The following BRPF1 variants were observed in gnomAD, a reference collection of about 807,000 sequenced individuals.
BRPF1 encodes the protein peregrin.
Under a neutral mutation model 115.0 loss-of-function variants are expected in BRPF1, and 15 were observed. The ratio of observed to expected loss-of-function variants is 0.13; its 90% CI spans 0.09 to 0.20. BRPF1 has a LOEUF of 0.20. BRPF1 is among the 10% of genes least tolerant of loss of function. The probability of loss-of-function intolerance (pLI) is 1.00; values close to 1 mark genes in which losing one functional copy is unlikely to be tolerated. For missense variants in BRPF1, 1,118 were observed against 1,638.3 expected (o/e 0.68, Z 5.48); for synonymous variants, 647 against 619.8 (o/e 1.04, Z -0.65).
intron 13 of BRPF1, among the ~76,000 whole-genome samples, 159 bp downstream of exon 13, chr3:9,746,613 G>A (rs1334035579): frequency 1.3e-5 from 2 of 152,166 alleles, no homozygotes; most frequent in East Asian, 3.9e-4. Context: ...GGGTTGTGTC[G>A]ACCATGTGTC....
rs777943093 is a variant in BRPF1 at position 9,741,446 on chromosome 3, G to GT, written c.1854+7_1854+8insT. On this transcript the variant is annotated splice_region_variant and intron_variant, in intron 5 of 13. Transcript: ENST00000383829. ...AAAACTCAAAAGGGAGACGGTGAGT[G>GT]CTCCTGGGCCAGCCCTATTTTATAA... is the stretch of plus-strand genomic sequence containing the variant. The GT allele has an allele frequency of 6.4e-7, 1 of 1,574,232 alleles. No homozygotes were observed. Among genetic ancestry groups the GT allele is most frequent in the Non-Finnish European group, 8.6e-7 (1 of 1,158,938 alleles).
rs777923694 is a variant in BRPF1 at position 9,739,435 on chromosome 3, G to A, written c.1036G>A (p.Gly346Arg). The A allele has an allele frequency of 1.9e-6, 3 of 1,614,132 alleles. No homozygotes were observed. The highest frequency in any genetic ancestry group is 1.1e-5 in the South Asian group (1 of 91,082). ...KGGAFKQTDDGRWAHVVCALW... is the reference protein window; with the variant it reads ...KGGAFKQTDDRRWAHVVCALW... ...CGGTGCCTTCAAGCAGACAGATGAC[G>A]GGCGCTGGGCCCATGTGGTGTGTGC... is the stretch of plus-strand genomic sequence containing the variant. Residue 346 changes from glycine to arginine, a missense_variant, in exon 3 of 14, where the codon GGG becomes AGG. Coordinates refer to ENST00000383829, the MANE Select transcript of BRPF1 (RefSeq NM_001003694.2).
At chr3:9,732,848 G>T (rs190235120) in intron 1 of BRPF1, among the ~76,000 whole-genome samples, 1 of 152,146 alleles carries the variant, frequency 6.6e-6, no homozygotes, top group Non-Finnish European at 1.5e-5. Flanking sequence ...GCCCTGCCTG[G>T]CTGGGATGGT....
At position 9,734,845 on chromosome 3, in the gene BRPF1, G is replaced by A. The variant is rs1209436103; in HGVS notation, c.599+106G>A. On this transcript the variant is annotated intron_variant, in intron 2 of 13. Coordinates refer to ENST00000383829, the MANE Select transcript of BRPF1 (RefSeq NM_001003694.2). This position sits in a 1 kb window ranked among gnomAD's most constrained non-coding sequence, Gnocchi z 5.7. ...AGAAGAGTGACAGGAATAAAGAATA[G>A]TGAAAGAACACTGATTTTGCCAGGG... 7.1e-7 allele frequency: 1 copy of A among 1,415,036 alleles called. No homozygotes were observed. Among genetic ancestry groups the A allele is most frequent in the Non-Finnish European group, 9.6e-7 (1 of 1,037,752 alleles). 87.7% of individuals were successfully genotyped at this position (1,415,036 alleles called of 1,614,324 possible).
rs771693624 is a variant in BRPF1 at position 9,739,715 on chromosome 3, G to A, written c.1316G>A (p.Arg439His). ...GCCAACGGCACCTCTTTCAGTGTCC[G>A]CAAGACAGCCTACTGCGACATCCAC... is the stretch of plus-strand genomic sequence containing the variant. ...TGANGTSFSV[R>H]KTAYCDIHTP... Residue 439 changes from arginine to histidine, a missense_variant, in exon 3 of 14, where the codon CGC becomes CAC. Transcript: ENST00000383829. 18 of 1,613,684 alleles carry A rather than the reference G, an allele frequency of 1.1e-5. No individual in the cohort carries two copies. Among genetic ancestry groups the A allele is most frequent in the East Asian group, 2.2e-5 (1 of 44,886 alleles).
chr3:9,742,597 A>G (rs961824244), intron 6 of BRPF1: 23 of 963,168 alleles, frequency 2.4e-5, no homozygotes, highest in Admixed American at 1.2e-4. Context: ...GTTAAGTAAA[A>G]AGAGCTGTAG....
At position 9,732,067 on chromosome 3, in the gene BRPF1, C is replaced by T. The variant is rs558281004; in HGVS notation, c.-82C>T. Reference sequence around the variant, plus strand: ...TCCCCCTTCCCGGCCCGACTTTCCCCGCCGACCTCCCCAAGTGGGGTCGGA... The same window carrying T: ...TCCCCCTTCCCGGCCCGACTTTCCCTGCCGACCTCCCCAAGTGGGGTCGGA... On this transcript the variant is annotated 5_prime_UTR_variant, in exon 1 of 14. Coordinates refer to ENST00000383829, the MANE Select transcript of BRPF1 (RefSeq NM_001003694.2). 6.6e-6 allele frequency: 1 copy of T among 152,424 alleles called. No homozygotes were observed. The highest frequency in any genetic ancestry group is 2.1e-4 in the South Asian group (1 of 4,838). The allele number at this position is 152,424 out of a possible 1,614,324, so 9.4% of individuals were successfully genotyped here. A position where few individuals can be genotyped will look rare whatever the true frequency, so the allele number is the denominator to read the frequency against.
chr3:9,745,454 T>C lies in BRPF1; in HGVS notation c.3069-119T>C. ...GGGTGTTTGAATTTGAAATTCCTCA[T>C]ATAGCCTCTGCTTTCCAAAAGTCTC... On this transcript the variant is annotated intron_variant, in intron 10 of 13. Transcript: ENST00000383829. This position sits in a 1 kb window ranked among gnomAD's most constrained non-coding sequence, Gnocchi z 5.1. The C allele has an allele frequency of 4.9e-6, 6 of 1,234,732 alleles. No homozygotes were observed. The highest frequency in any genetic ancestry group is 6.9e-6 in the Non-Finnish European group (6 of 865,584). The allele number at this position is 1,234,732 out of a possible 1,614,324, so 76.5% of individuals were successfully genotyped here. A position where few individuals can be genotyped will look rare whatever the true frequency, so the allele number is the denominator to read the frequency against.
intron 2 of BRPF1, among the ~76,000 whole-genome samples, chr3:9,735,451 A>G (rs952530637): frequency 3.3e-5 from 5 of 152,188 alleles, no homozygotes; most frequent in African/African-American, 9.7e-5. Flanking sequence ...TTCCTTATGC[A>G]TGACCTTGGG....
chr3:9,734,647 T>C lies in BRPF1; in HGVS notation c.507T>C (p.Ser169=). The C allele has an allele frequency of 6.2e-7, 1 of 1,614,162 alleles. No individual in the cohort carries two copies. Among genetic ancestry groups the C allele is most frequent in the Non-Finnish European group, 8.5e-7 (1 of 1,180,036 alleles). Reference sequence around the variant, plus strand: ...ACCATCACCACCACCACAATGTTTCTGCGAGCACCACTCCCAAGCTGCCAG... The same window carrying C: ...ACCATCACCACCACCACAATGTTTCCGCGAGCACCACTCCCAAGCTGCCAG... ...DSNHHHHHNV[S]ASTTPKLPEV... The change falls in exon 2 of 14, where the codon TCT becomes TCC. Residue 169 remains serine (S), a synonymous_variant. Transcript: ENST00000383829. The surrounding 1 kb of genome is among the most constrained non-coding windows in gnomAD (Gnocchi z 5.7).
rs1427009725 is a variant in BRPF1 at position 9,745,150 on chromosome 3, G to T, written c.3063G>T (p.Arg1021=). Reference sequence around the variant, plus strand: ...GCAGTAGCAGCGCTGCTTCAGACCGGACCAGGTACCAGCCCTCCAGATCGA... The same window carrying T: ...GCAGTAGCAGCGCTGCTTCAGACCGTACCAGGTACCAGCCCTCCAGATCGA... ...SSSSSSAASD[R]TSTTPSKQGR... Residue 1021 remains arginine, a synonymous_variant, in exon 10 of 14, where the codon CGG becomes CGT. Coordinates refer to ENST00000383829, the MANE Select transcript of BRPF1 (RefSeq NM_001003694.2). This position sits in a 1 kb window ranked among gnomAD's most constrained non-coding sequence, Gnocchi z 5.1. The T allele has an allele frequency of 6.2e-7, 1 of 1,613,934 alleles. No homozygotes were observed. The highest frequency in any genetic ancestry group is 8.5e-7 in the Non-Finnish European group (1 of 1,179,962).
intron 6 of BRPF1, 55 bp downstream of exon 6, chr3:9,742,226 C>A: frequency 6.3e-7 from 1 of 1,594,570 alleles, no homozygotes; most frequent in Non-Finnish European, 8.6e-7. Context: ...CCAGTTGGAC[C>A]CCTGCTGCAG....
At chr3:9,738,475 A>T (rs2076977643) in intron 2 of BRPF1, among the ~76,000 whole-genome samples, 1 of 152,228 alleles carries the variant, frequency 6.6e-6, no homozygotes, top group Non-Finnish European at 1.5e-5. Flanking sequence ...CCTTGAGCTG[A>T]TGCTGACACT....
At chr3:9,738,817 C>G (rs1056023941) in intron 2 of BRPF1, among the ~76,000 whole-genome samples, 182 bp from the exon 3 acceptor site, 1 of 152,224 alleles carries the variant, frequency 6.6e-6, no homozygotes, top group African/African-American at 2.4e-5. Context: ...CTTAGGTTTC[C>G]TTTTCAGCAA....
Position 9,734,030 on chromosome 3 carries a change from G to T in BRPF1, c.-10-101G>T. 1 of 1,499,314 alleles carries T rather than the reference G, an allele frequency of 6.7e-7. No homozygotes were observed. The highest frequency in any genetic ancestry group is 8.8e-7 in the Non-Finnish European group (1 of 1,131,284). 92.9% of individuals were successfully genotyped at this position (1,499,314 alleles called of 1,614,324 possible). On this transcript the variant is annotated intron_variant, in intron 1 of 13. Coordinates refer to ENST00000383829, the MANE Select transcript of BRPF1 (RefSeq NM_001003694.2). This position sits in a 1 kb window ranked among gnomAD's most constrained non-coding sequence, Gnocchi z 5.7. Reference sequence around the variant, plus strand: ...GTAGAGGTAGGCTGGCCAGAATCTGGTGACTCCAAGTGAGGGGGAGGGCTA... The same window carrying T: ...GTAGAGGTAGGCTGGCCAGAATCTGTTGACTCCAAGTGAGGGGGAGGGCTA...
chr3:9,733,491 C>G (rs965931991), intron 1 of BRPF1: 1 of 152,306 alleles, frequency 6.6e-6, no homozygotes, highest in Non-Finnish European at 1.5e-5. Context: ...AGACAACTTT[C>G]AGTATGTCAA....
At position 9,746,434 on chromosome 3, in the gene BRPF1, C is replaced by A; in HGVS notation, c.3459C>A (p.Phe1153Leu). Reference sequence around the variant, plus strand: ...GAGAGCATCTCTACCTCGTCCTCTTCTTTGACAACAAACGAACCTGGTAAG... The same window carrying A: ...GAGAGCATCTCTACCTCGTCCTCTTATTTGACAACAAACGAACCTGGTAAG... Reference protein sequence around the residue: ...EAREHLYLVLFFDNKRTWQWL... With the variant: ...EAREHLYLVLLFDNKRTWQWL... The change falls in exon 13 of 14, where the codon TTC (phenylalanine) becomes TTA (leucine). Residue 1153 changes from phenylalanine (F) to leucine (L), a missense_variant. Transcript: ENST00000383829. The A allele has an allele frequency of 6.3e-7, 1 of 1,590,708 alleles. No homozygotes were observed. Among genetic ancestry groups the A allele is most frequent in the South Asian group, 1.1e-5 (1 of 89,150 alleles).
At chr3:9,742,866 G>T in intron 6 of BRPF1, 78 bp from the exon 7 acceptor site, 29 of 1,477,044 alleles carry the variant, frequency 2.0e-5, no homozygotes, top group Non-Finnish European at 2.7e-5. Context: ...ATGTGTTTCA[G>T]GGGGGCTTGT....
chr3:9,745,216 G>A lies in BRPF1; in HGVS notation c.3068+61G>A. On this transcript the variant is annotated intron_variant, in intron 10 of 13. Coordinates refer to ENST00000383829, the MANE Select transcript of BRPF1 (RefSeq NM_001003694.2). This position sits in a 1 kb window ranked among gnomAD's most constrained non-coding sequence, Gnocchi z 5.1. ...ATGCCCTTCCAGGGCTCTTGGGCCTGTGTAGGTTTCCCTGTTGGAAGTGGG... is the reference window on the plus strand; with the variant it reads ...ATGCCCTTCCAGGGCTCTTGGGCCTATGTAGGTTTCCCTGTTGGAAGTGGG... 6.4e-7 allele frequency: 1 copy of A among 1,556,670 alleles called. No homozygotes were observed. The highest frequency in any genetic ancestry group is 1.2e-5 in the South Asian group (1 of 83,112).
Sources: gnomAD v4.1 joint callset for allele counts (sites outside exome capture counted in the v4.1 genomes callset) on GRCh38, gnomAD v4.1.1 for gene constraint, Gnocchi (gnomAD v3.1) non-coding constraint, MANE v1.5 for transcripts, NCBI Gene and HGNC (gene_info 2026-07-23, HGNC 2026-07-21) for gene names.